The following GREB1L variants were observed in gnomAD, a reference collection of about 807,000 sequenced individuals.
GREB1L encodes GREB1 like retinoic acid receptor coactivator, also known as GREB1-like protein.
A neutral mutation model predicts 200.8 loss-of-function variants in GREB1L; 17 were observed. The ratio of observed to expected loss-of-function variants is 0.08; its 90% CI spans 0.06 to 0.13. The LOEUF (loss-of-function observed/expected upper bound fraction) is 0.13. GREB1L is among the 10% of genes least tolerant of loss of function. GREB1L has a pLI of 1.00. For missense variants in GREB1L, 1,657 were observed against 2,367.7 expected, an observed-to-expected ratio of 0.70 and a Z score of 6.23; for synonymous variants, 789 against 893.0, an observed-to-expected ratio of 0.88 and a Z score of 2.08.
chr18:21,432,508 A>G (rs1316924479), intron 7 of GREB1L, among the ~76,000 whole-genome samples: 1 of 151,510 alleles, frequency 6.6e-6, no homozygotes, highest in Non-Finnish European at 1.5e-5. Context: ...ATGTTGGTAC[A>G]ACTTTATTTT....
intron 1 of GREB1L, chr18:21,363,513 CCT>C (rs1256821858): frequency 6.6e-6 from 1 of 151,764 alleles, no homozygotes; most frequent in South Asian, 2.1e-4. Context: ...CAAGTCAGCC[CCT>C]GTCTTAAGCT....
intron 7 of GREB1L, among the ~76,000 whole-genome samples, chr18:21,409,084 G>A (rs993869169): frequency 4.0e-4 from 61 of 152,304 alleles, no homozygotes; most frequent in African/African-American, 1.4e-3. Context: ...GATGTTCATA[G>A]CATCATTATT....
intron 27 of GREB1L, among the ~76,000 whole-genome samples, chr18:21,509,469 ACT>A (rs1413846535): frequency 3.3e-5 from 5 of 152,118 alleles, no homozygotes; most frequent in South Asian, 2.1e-4. Flanking sequence ...CTCTTTCTCC[ACT>A]GTCTCCCAAC....
At chr18:21,353,321 C>T (rs1281600354) in intron 1 of GREB1L, among the ~76,000 whole-genome samples, 2 of 151,668 alleles carry the variant, frequency 1.3e-5, no homozygotes, top group South Asian at 2.1e-4. Context: ...AAGTATTAAC[C>T]GAGACAGGGT....
intron 1 of GREB1L, among the ~76,000 whole-genome samples, chr18:21,248,098 A>G (rs2037637914): frequency 6.6e-6 from 1 of 152,230 alleles, no homozygotes; most frequent in Admixed American, 6.5e-5. Flanking sequence ...ATTAGCTGCT[A>G]TTTGTCTTTT....
At chr18:21,250,803 T>C (rs941432950) in intron 1 of GREB1L, among the ~76,000 whole-genome samples, 1 of 152,220 alleles carries the variant, frequency 6.6e-6, no homozygotes, top group Admixed American at 6.5e-5. Context: ...CTGTTCTATT[T>C]TTTGGAAAGG....
chr18:21,323,542 A>G (rs928254806), intron 1 of GREB1L, among the ~76,000 whole-genome samples: 1 of 152,164 alleles, frequency 6.6e-6, no homozygotes, highest in Non-Finnish European at 1.5e-5. Context: ...AGGAATACAA[A>G]TTAAAACTGC....
At chr18:21,394,455 T>C (rs1732259243) in intron 4 of GREB1L, among the ~76,000 whole-genome samples, 1 of 152,244 alleles carries the variant, frequency 6.6e-6, no homozygotes, top group South Asian at 2.1e-4. Flanking sequence ...TTATATTTGG[T>C]TCAATTCTGT....
intron 15 of GREB1L, among the ~76,000 whole-genome samples, chr18:21,457,953 G>A (rs1476253393): frequency 2.7e-5 from 4 of 149,338 alleles, no homozygotes; most frequent in African/African-American, 7.4e-5. Context: ...AGTACCTTGA[G>A]AGCAAGGACA....
At position 21,401,310 on chromosome 18, in the gene GREB1L, T is replaced by C. The variant is rs139241035; in HGVS notation, c.693T>C (p.Pro231=). 5.5e-5 allele frequency: 85 copies of C among 1,549,712 alleles called. No homozygotes were observed. Among genetic ancestry groups the C allele is most frequent in the Non-Finnish European group, 7.2e-5 (82 of 1,146,262 alleles). Residue 231 remains proline, a synonymous_variant, in exon 6 of 33, where the codon CCT becomes CCC. Transcript: ENST00000424526. ...RSSQGVLSKG[P]LICWKECRSR... ...CCCAGGGTGTACTGTCTAAAGGACCTCTTATCTGCTGGAAAGGTAGTCAAT... is the reference window on the plus strand; with the variant it reads ...CCCAGGGTGTACTGTCTAAAGGACCCCTTATCTGCTGGAAAGGTAGTCAAT...
At chr18:21,309,690 A>G (rs951859951) in intron 1 of GREB1L, among the ~76,000 whole-genome samples, 1 of 151,784 alleles carries the variant, frequency 6.6e-6, no homozygotes, top group Non-Finnish European at 1.5e-5. Context: ...TGCCCTAAAT[A>G]TATTTCTCCC....
chr18:21,481,479 A>G (rs4006812), intron 17 of GREB1L, among the ~76,000 whole-genome samples: 54,239 of 106,942 alleles, frequency 0.51, 13,454 homozygotes, highest in Non-Finnish European at 0.67. Context: ...GTGTGTGTGT[A>G]TATATATATA....
intron 1 of GREB1L, among the ~76,000 whole-genome samples, chr18:21,325,495 AT>A (rs374128072): frequency 5.9e-5 from 9 of 151,922 alleles, no homozygotes; most frequent in Admixed American, 2.0e-4. Context: ...ACAGGTATAT[AT>A]TTTTTTTATG....
chr18:21,286,513 A>AT (rs1396763928), intron 1 of GREB1L, among the ~76,000 whole-genome samples: 3 of 152,248 alleles, frequency 2.0e-5, no homozygotes, highest in Non-Finnish European at 4.4e-5. Context: ...TGGGCAAAAA[A>AT]CAAACAAATA....
chr18:21,271,217 G>A, intron 1 of GREB1L, among the ~76,000 whole-genome samples: 1 of 152,052 alleles, frequency 6.6e-6, no homozygotes, highest in Admixed American at 6.5e-5. Flanking sequence ...GCCCATTGAG[G>A]CCTTTGTTTT....
At chr18:21,406,058 TAA>T (rs34222462) in intron 7 of GREB1L, among the ~76,000 whole-genome samples, 12 of 124,876 alleles carry the variant, frequency 9.6e-5, no homozygotes, top group Admixed American at 3.3e-4. Flanking sequence ...AGACCCTGTC[TAA>T]AAAAAAAAAA....
At chr18:21,348,561 G>A (rs1349558812) in intron 1 of GREB1L, among the ~76,000 whole-genome samples, 2 of 151,872 alleles carry the variant, frequency 1.3e-5, no homozygotes, top group East Asian at 1.9e-4. Context: ...GATCACTTGA[G>A]GTCAGGAGTT....
At chr18:21,383,439 C>A in intron 2 of GREB1L, 71 bp from the exon 3 acceptor site, 1 of 1,150,378 alleles carries the variant, frequency 8.7e-7, no homozygotes, top group Non-Finnish European at 1.2e-6. Context: ...TTAGCTCTAC[C>A]TGTACTTTGA....
chr18:21,310,984 C>G (rs1398171064), intron 1 of GREB1L, among the ~76,000 whole-genome samples: 2 of 152,036 alleles, frequency 1.3e-5, no homozygotes, highest in African/African-American at 4.8e-5. Context: ...GAGTAGAGGG[C>G]CTATATCACC....
Sources: gnomAD v4.1 joint callset for allele counts (sites outside exome capture counted in the v4.1 genomes callset) on GRCh38, gnomAD v4.1.1 for gene constraint, MANE v1.5 for transcripts, NCBI Gene and HGNC (gene_info 2026-07-23, HGNC 2026-07-21) for gene names.